HIP1: variants seen among roughly 807,000 people sequenced by gnomAD.
HIP1 encodes the protein huntingtin interacting protein 1.
In HIP1, 65 loss-of-function variants were observed where a neutral mutation model predicts 147.6. The ratio of observed to expected loss-of-function variants is 0.44; its 90% CI spans 0.36 to 0.54. The LOEUF is 0.54. HIP1 is among the 20% of genes least tolerant of loss of function. HIP1 has a pLI of 0.00. For missense variants in HIP1, 1,061 were observed against 1,299.6 expected (o/e 0.82, Z 2.82); for synonymous variants, 479 against 504.0 (o/e 0.95, Z 0.67).
At chr7:75,548,528 A>G (rs587760132) in intron 23 of HIP1, among the ~76,000 whole-genome samples, 1 of 152,046 alleles carries the variant, frequency 6.6e-6, no homozygotes, top group East Asian at 1.9e-4. Context: ...CACCCAGGCT[A>G]GAGTGCAGTG....
intron 1 of HIP1, among the ~76,000 whole-genome samples, chr7:75,689,342 C>T (rs189158295): frequency 1.3e-4 from 20 of 152,110 alleles, no homozygotes; most frequent in Non-Finnish European, 2.5e-4. Context: ...GTCGTCTCTA[C>T]TAAAAATCCA....
intron 1 of HIP1, among the ~76,000 whole-genome samples, chr7:75,701,896 G>A (rs1800842610): frequency 6.6e-6 from 1 of 151,786 alleles, no homozygotes; most frequent in Non-Finnish European, 1.5e-5. Flanking sequence ...AACTCTGCCA[G>A]GTATGGCTGT....
intron 1 of HIP1, among the ~76,000 whole-genome samples, chr7:75,656,572 G>A (rs747053534): frequency 4.6e-5 from 7 of 152,122 alleles, no homozygotes; most frequent in Non-Finnish European, 1.0e-4. Context: ...CTGCCTCCTG[G>A]GTTCAAGCGA....
chr7:75,555,712 GGATGTGCGGCTGCCCAC>G lies in HIP1; in HGVS notation c.1828-178_1828-162del, dbSNP rs587621148. ...GAAAGGCGCTTTAACTGTGTGCACA[GGATGTGCGGCTGCCCAC>G]GATGTGCGGCTGCCCACAGAGGCTG... On this transcript the variant is annotated intron_variant, in intron 18 of 30. Coordinates refer to ENST00000336926, the MANE Select transcript of HIP1 (RefSeq NM_005338.7). Among the ~76,000 whole-genome samples, 36 of 152,262 alleles carry G rather than the reference GGATGTGCGGCTGCCCAC, an allele frequency of 2.4e-4. 1 individual carries two copies. Among genetic ancestry groups the G allele is most frequent in the East Asian group, 7.7e-4 (4 of 5,162 alleles).
At chr7:75,601,689 G>T (rs145283665) in intron 1 of HIP1, among the ~76,000 whole-genome samples, 1 of 151,930 alleles carries the variant, frequency 6.6e-6, no homozygotes, top group African/African-American at 2.4e-5. Context: ...ATGCATTTAC[G>T]TATTCATTTA....
intron 1 of HIP1, among the ~76,000 whole-genome samples, chr7:75,685,633 C>G (rs929663284): frequency 1.3e-5 from 2 of 152,234 alleles, no homozygotes; most frequent in Non-Finnish European, 2.9e-5. Flanking sequence ...ATTGCAGCCT[C>G]CAACTCCTGG....
chr7:75,556,843 T>G (rs1554493486), intron 16 of HIP1, 32 bp from the exon 17 acceptor site: 1 of 1,284,996 alleles, frequency 7.8e-7, no homozygotes, highest in African/African-American at 1.5e-5. Context: ...GGGACTCTGA[T>G]CTGGGTGACA....
At chr7:75,547,696 A>C in intron 24 of HIP1, 59 bp downstream of exon 24, 1 of 1,404,172 alleles carries the variant, frequency 7.1e-7, no homozygotes, top group Admixed American at 1.7e-5. Context: ...CAAAGTATAG[A>C]CCAATGTCAG....
intron 10 of HIP1, 23 bp from the exon 11 acceptor site, chr7:75,563,098 A>G (rs587669279): frequency 6.2e-7 from 1 of 1,614,022 alleles, no homozygotes; most frequent in Admixed American, 1.7e-5. Context: ...ACACATCCTC[A>G]AATAGTGCTT....
rs782328912 is a variant in HIP1 at position 75,555,440 on chromosome 7, G to C, written c.1939C>G (p.Leu647Val). ...DALNQLEEPPLISCAGSADHL... is the reference protein window; with the variant it reads ...DALNQLEEPPVISCAGSADHL... ...CCTGCAGACCCAGCGCAGCTGATGA[G>C]AGGAGGTTCTTCAAGCTGGTTCAGG... The change falls in exon 19 of 31, where the codon CTC becomes GTC. Residue 647 changes from leucine to valine, a missense_variant. By Grantham distance (32) the Leu-to-Val change is conservative (BLOSUM62 1). Transcript: ENST00000336926. 6.2e-7 allele frequency: 1 copy of C among 1,613,850 alleles called. No individual in the cohort carries two copies. The highest frequency in any genetic ancestry group is 1.3e-5 in the African/African-American group (1 of 74,930).
chr7:75,551,189 A>ATTTTTTTTTTT (rs55679922), intron 22 of HIP1, among the ~76,000 whole-genome samples: 1,408 of 77,372 alleles, frequency 0.018, 391 homozygotes, highest in African/African-American at 0.057. Flanking sequence ...GTAGATGATA[A>ATTTTTTTTTTT]TTTTTTTTTT....
chr7:75,577,944 G>T (rs1795903353), intron 7 of HIP1, among the ~76,000 whole-genome samples: 1 of 152,194 alleles, frequency 6.6e-6, no homozygotes, highest in South Asian at 2.1e-4. Context: ...AGGTTGCAGC[G>T]AGCTGAGATG....
rs1799807174 is a variant in HIP1, at chr7:75,673,937, G to C, written c.120+64864C>G. Among the ~76,000 whole-genome samples, 3 of 151,978 alleles carry C rather than the reference G, an allele frequency of 2.0e-5. No individual in the cohort carries two copies. In the South Asian group the frequency reaches 6.2e-4, roughly 31 times the overall value. ...GGAGGTTGAGGCTGGAGTGATCCAT[G>C]CTTGTACCACTGCACTCCAGCCCAG... On this transcript the variant is annotated intron_variant, in intron 1 of 30. Transcript: ENST00000336926.
intron 1 of HIP1, among the ~76,000 whole-genome samples, chr7:75,701,241 A>T (rs1395437917): frequency 6.6e-6 from 1 of 151,998 alleles, no homozygotes; most frequent in Non-Finnish European, 1.5e-5. Context: ...CAAAAATACA[A>T]AATTTAGCCA....
chr7:75,729,979 G>A (rs1463611969), intron 1 of HIP1, among the ~76,000 whole-genome samples: 2 of 152,144 alleles, frequency 1.3e-5, no homozygotes, highest in African/African-American at 4.8e-5. Flanking sequence ...GAATGCGGCT[G>A]TGAGGGCAGG....
intron 1 of HIP1, among the ~76,000 whole-genome samples, chr7:75,711,135 G>C (rs573588166): frequency 1.8e-4 from 28 of 152,216 alleles, no homozygotes; most frequent in African/African-American, 6.3e-4. Context: ...GTGTAATATA[G>C]CACATCCTGT....
intron 7 of HIP1, among the ~76,000 whole-genome samples, chr7:75,579,065 G>A (rs965595166): frequency 3.4e-4 from 51 of 151,646 alleles, no homozygotes; most frequent in African/African-American, 1.2e-3. Flanking sequence ...TGATCCACCT[G>A]CCTTCGCCTC....
At chr7:75,689,381 G>A (rs1800369411) in intron 1 of HIP1, among the ~76,000 whole-genome samples, 1 of 151,882 alleles carries the variant, frequency 6.6e-6, no homozygotes, top group East Asian at 1.9e-4. Context: ...GAGTGCGTCT[G>A]TAATCCCAGT....
chr7:75,567,838 C>T (rs1554495861), intron 9 of HIP1, among the ~76,000 whole-genome samples: 1 of 146,984 alleles, frequency 6.8e-6, no homozygotes, highest in Admixed American at 6.6e-5. Flanking sequence ...GAGACAGGGT[C>T]TCACTTTGTC....
Sources: gnomAD v4.1 joint callset for allele counts (sites outside exome capture counted in the v4.1 genomes callset) on GRCh38, gnomAD v4.1.1 for gene constraint, MANE v1.5 for transcripts, NCBI Gene and HGNC (gene_info 2026-07-23, HGNC 2026-07-21) for gene names.